The following RB1CC1 variants were observed in gnomAD, a reference collection of about 807,000 sequenced individuals.
RB1CC1 encodes the protein RB1-inducible coiled-coil protein 1.
A neutral mutation model predicts 177.5 loss-of-function variants in RB1CC1; 46 were observed. The ratio of observed to expected loss-of-function variants is 0.26; its 90% CI spans 0.20 to 0.33. RB1CC1 has a LOEUF of 0.33. RB1CC1 is among the 10% of genes least tolerant of loss of function. RB1CC1 has a pLI of 1.00. For missense variants in RB1CC1, 1,703 were observed against 1,816.3 expected, an observed-to-expected ratio of 0.94 and a Z score of 1.13; for synonymous variants, 666 against 613.6, an observed-to-expected ratio of 1.09 and a Z score of -1.26.
At chr8:52,707,432 C>CTTTTTTTTT (rs386412758) in intron 1 of RB1CC1, among the ~76,000 whole-genome samples, 2 of 128,846 alleles carry the variant, frequency 1.6e-5, no homozygotes, top group Non-Finnish European at 3.2e-5. Flanking sequence ...TTCTTTCTTT[C>CTTTTTTTTT]TTTTTTTTTT....
intron 1 of RB1CC1, among the ~76,000 whole-genome samples, chr8:52,687,746 TTGAC>T (rs1468813043): frequency 1.3e-5 from 2 of 152,214 alleles, no homozygotes; most frequent in East Asian, 1.9e-4. Context: ...GGCCAACACT[TTGAC>T]TGAAGTCTTG....
Position 52,698,017 on chromosome 8 carries a change from T to C in RB1CC1, c.-166-11050A>G, listed in dbSNP as rs1205515397. 3.3e-5 allele frequency among the ~76,000 whole-genome samples: 5 copies of C among 152,350 alleles called. No homozygotes were observed. The South Asian group carries it at 8.3e-4, about 25-fold the overall frequency. ...ACAAATATTTGTCTACCCATACTTT[T>C]ATTATTCATATTTTAAGACAGGATT... On this transcript the variant is annotated intron_variant, in intron 1 of 23. Transcript: ENST00000025008.
intron 5 of RB1CC1, among the ~76,000 whole-genome samples, chr8:52,678,372 G>A (rs1483871492): frequency 6.6e-6 from 1 of 152,116 alleles, no homozygotes; most frequent in Non-Finnish European, 1.5e-5. Context: ...AGCCAAGATC[G>A]CACAACTGAA....
chr8:52,646,102 C>G (rs1849997769), intron 15 of RB1CC1, among the ~76,000 whole-genome samples: 1 of 152,098 alleles, frequency 6.6e-6, no homozygotes. Flanking sequence ...CAGATAAATT[C>G]CAGATAATTT....
intron 1 of RB1CC1, among the ~76,000 whole-genome samples, chr8:52,689,088 AAACT>A (rs1554552078): frequency 6.6e-6 from 1 of 152,122 alleles, no homozygotes; most frequent in Non-Finnish European, 1.5e-5. Flanking sequence ...AATCTCTCCT[AAACT>A]ATCTATCCAA....
At chr8:52,713,636 T>TCCC (rs1857241845) in intron 1 of RB1CC1, among the ~76,000 whole-genome samples, 1 of 152,192 alleles carries the variant, frequency 6.6e-6, no homozygotes. Context: ...CAACACAGAA[T>TCCC]TAAGGGCTGA....
At chr8:52,667,084 C>T (rs1435152528) in intron 8 of RB1CC1, among the ~76,000 whole-genome samples, 2 of 151,974 alleles carry the variant, frequency 1.3e-5, no homozygotes, top group Admixed American at 6.5e-5. Context: ...ACTAAAATTG[C>T]TAAAAACCAA....
chr8:52,626,669 AAT>A (rs1308061002), intron 22 of RB1CC1, among the ~76,000 whole-genome samples: 1 of 152,352 alleles, frequency 6.6e-6, no homozygotes, highest in African/African-American at 2.4e-5. Flanking sequence ...AGACAAAAGA[AAT>A]ATCAGGTTCA....
Position 52,628,151 on chromosome 8 carries a change from A to G in RB1CC1, c.4517T>C (p.Leu1506Ser). 6.2e-7 allele frequency: 1 copy of G among 1,609,004 alleles called. No individual in the cohort carries two copies. The highest frequency in any genetic ancestry group is 1.7e-5 in the Admixed American group (1 of 59,392). Residue 1506 changes from leucine (L) to serine (S), a missense_variant, in exon 22 of 24, where the codon TTG becomes TCG. Physicochemically the swap from Leu to Ser is moderately radical, Grantham distance 145. This residue lies in a region of RB1CC1 where 70 missense variants were observed against 118.0 expected (regional missense o/e 0.59). Coordinates refer to ENST00000025008, the MANE Select transcript of RB1CC1 (RefSeq NM_014781.5). Reference sequence around the variant, plus strand: ...GCGTTCGTCTAGGATGATGAGTACCAAATCTCCCACCTGAAAACTGAATAA... The same window carrying G: ...GCGTTCGTCTAGGATGATGAGTACCGAATCTCCCACCTGAAAACTGAATAA... ...IAIRDFQVGD[L>S]VLIILDERHD...
At chr8:52,692,937 G>A (rs1279244765) in intron 1 of RB1CC1, among the ~76,000 whole-genome samples, 1 of 152,198 alleles carries the variant, frequency 6.6e-6, no homozygotes, top group African/African-American at 2.4e-5. Context: ...GAGAGAACAA[G>A]ATTTCCTTGT....
chr8:52,677,053 C>G (rs1239061229), intron 5 of RB1CC1, among the ~76,000 whole-genome samples: 1 of 152,182 alleles, frequency 6.6e-6, no homozygotes, highest in African/African-American at 2.4e-5. Flanking sequence ...AAATAGACAT[C>G]TGACATTCAG....
At position 52,661,397 on chromosome 8, in the gene RB1CC1, C is replaced by T. The variant is rs1851612056; in HGVS notation, c.1359-116G>A. The T allele has an allele frequency of 4.0e-5, 58 of 1,461,608 alleles. 1 individual carries two copies. In the South Asian group the frequency reaches 7.0e-4, roughly 18 times the overall value. 90.5% of individuals were successfully genotyped at this position (1,461,608 alleles called of 1,614,324 possible). ...AAGAAATCAAGATATATAAGCTCTA[C>T]AAAAATAGTCTAATTCCAAAGTTCA... On this transcript the variant is annotated intron_variant, in intron 9 of 23. Transcript: ENST00000025008.
chr8:52,653,898 A>ATT, intron 15 of RB1CC1, among the ~76,000 whole-genome samples: 1 of 152,294 alleles, frequency 6.6e-6, no homozygotes, highest in African/African-American at 2.4e-5. Flanking sequence ...TAGATCCAGA[A>ATT]TCGTTACTGG....
intron 1 of RB1CC1, among the ~76,000 whole-genome samples, chr8:52,712,508 A>C (rs1159119630): frequency 6.6e-6 from 1 of 151,852 alleles, no homozygotes; most frequent in Admixed American, 6.6e-5. Flanking sequence ...AAAAAAAAAA[A>C]AAAAAAAACT....
At chr8:52,709,392 G>A (rs560441282) in intron 1 of RB1CC1, among the ~76,000 whole-genome samples, 29 of 152,206 alleles carry the variant, frequency 1.9e-4, no homozygotes, top group African/African-American at 6.3e-4. Flanking sequence ...AGATTATCAT[G>A]ATGATAAAGT....
chr8:52,683,695 T>C lies in RB1CC1; in HGVS notation c.223A>G (p.Asn75Asp), dbSNP rs1250551477. 1 of 1,586,616 alleles carries C rather than the reference T, an allele frequency of 6.3e-7. No individual in the cohort carries two copies. The highest frequency in any genetic ancestry group is 2.2e-5 in the East Asian group (1 of 44,632). ...CGATCACATAAGATCATTTCTTTGTTAAAAAGAAAAATTGGATTTGTATCC... is the reference window on the plus strand; with the variant it reads ...CGATCACATAAGATCATTTCTTTGTCAAAAAGAAAAATTGGATTTGTATCC... ...GTDTNPIFLFNKEMILCDRPP... is the reference protein window; with the variant it reads ...GTDTNPIFLFDKEMILCDRPP... The change falls in exon 5 of 24, where the codon AAC (asparagine) becomes GAC (aspartate). Residue 75 changes from asparagine (N) to aspartate (D), a missense_variant. Transcript: ENST00000025008.
chr8:52,681,000 T>G (rs1360057243), intron 5 of RB1CC1, among the ~76,000 whole-genome samples: 137 of 127,756 alleles, frequency 1.1e-3, no homozygotes, highest in South Asian at 2.7e-3. Context: ...GTGTGTTTTT[T>G]TTTTTTTTTG....
chr8:52,630,520 C>T lies in RB1CC1; in HGVS notation c.4449G>A (p.Gln1483=). 1 of 1,562,534 alleles carries T rather than the reference C, an allele frequency of 6.4e-7. No homozygotes were observed. Among genetic ancestry groups the T allele is most frequent in the Admixed American group, 2.0e-5 (1 of 49,202 alleles). ...NKRLNQRLMS[Q]SMSSVSSRHS... is the part of the protein sequence containing the mutation. Reference sequence around the variant, plus strand: ...GCCTTGAAGATACTGAAGACATGCTCTGAGACATCTAAAAAAAAAAAAAAA... The same window carrying T: ...GCCTTGAAGATACTGAAGACATGCTTTGAGACATCTAAAAAAAAAAAAAAA... Residue 1483 remains glutamine (Q), a synonymous_variant, in exon 21 of 24, where the codon CAG becomes CAA. Coordinates refer to ENST00000025008, the MANE Select transcript of RB1CC1 (RefSeq NM_014781.5).
At chr8:52,708,072 G>T (rs570370016) in intron 1 of RB1CC1, among the ~76,000 whole-genome samples, 2 of 152,264 alleles carry the variant, frequency 1.3e-5, no homozygotes, top group Admixed American at 1.3e-4. Flanking sequence ...TTAAACTCCA[G>T]CACTCAAGAA....
Sources: allele counts gnomAD v4.1 joint callset (sites outside exome capture counted in the v4.1 genomes callset), GRCh38; gene constraint gnomAD v4.1.1; regional missense constraint gnomAD v4.1.1; transcripts MANE v1.5; gene names NCBI Gene and HGNC (gene_info 2026-07-23, HGNC 2026-07-21).